Variants in BCL11B observed in about 807,000 individuals in gnomAD.
BCL11B encodes the protein B-cell lymphoma/leukemia 11B.
In BCL11B, 8 loss-of-function variants were observed where a neutral mutation model predicts 49.9. The observed-to-expected ratio is 0.16, with a 90% CI of 0.09 to 0.29. The LOEUF (loss-of-function observed/expected upper bound fraction) is 0.29. Among genes scored for constraint, BCL11B ranks in the 10% least tolerant of loss-of-function variants. The pLI, the probability that BCL11B is intolerant of heterozygous loss-of-function variation, is 1.00. For synonymous variants in BCL11B, 739 were observed against 637.4 expected (o/e 1.16, Z -2.40); for missense variants, 1,006 against 1,351.0 (o/e 0.74, Z 4.00).
intron 3 of BCL11B, among the ~76,000 whole-genome samples, chr14:99,179,651 G>A (rs1034082400): frequency 5.9e-5 from 9 of 152,004 alleles, no homozygotes; most frequent in South Asian, 2.1e-4. Flanking sequence ...TCCGGGAACC[G>A]CTTTGGTTCC....
chr14:99,236,475 A>C (rs904347378), intron 2 of BCL11B, among the ~76,000 whole-genome samples: 2 of 152,076 alleles, frequency 1.3e-5, no homozygotes, highest in Non-Finnish European at 2.9e-5. Context: ...AAGATGGAGG[A>C]GAAGCCAGCA....
At chr14:99,188,304 G>T (rs184242119) in intron 3 of BCL11B, among the ~76,000 whole-genome samples, 2 of 152,108 alleles carry the variant, frequency 1.3e-5, no homozygotes, top group Non-Finnish European at 2.9e-5. Context: ...TGAATGGGGG[G>T]AACACTGTTT....
intron 2 of BCL11B, among the ~76,000 whole-genome samples, chr14:99,236,763 C>T (rs991087252): frequency 2.0e-5 from 3 of 152,132 alleles, no homozygotes; most frequent in African/African-American, 4.8e-5. Flanking sequence ...TCTTCAGGGC[C>T]GTGAGGAAAA....
In BCL11B at chr14:99,271,665, G is replaced by T; in HGVS notation, c.-447C>A. The T allele has an allele frequency of 5.1e-6, 1 of 197,984 alleles. No individual in the cohort carries two copies. The highest frequency in any genetic ancestry group is 6.0e-5 in the Admixed American group (1 of 16,534). 12.3% of individuals were successfully genotyped at this position (197,984 alleles called of 1,614,324 possible). A position where few individuals can be genotyped will look rare whatever the true frequency, so the allele number is the denominator to read the frequency against. On this transcript the variant is annotated 5_prime_UTR_variant, in exon 1 of 4. Transcript: ENST00000357195. ...TCTTCTTGAACTTAAACTGGGTTTT[G>T]CACCGGCTCCTGACACTTTCTTTCA...
chr14:99,212,079 T>A (rs1346151269), intron 3 of BCL11B, among the ~76,000 whole-genome samples: 5 of 152,056 alleles, frequency 3.3e-5, no homozygotes, highest in Non-Finnish European at 1.5e-5. Flanking sequence ...CCACTCATTC[T>A]CATCATCCCT....
intron 3 of BCL11B, among the ~76,000 whole-genome samples, chr14:99,201,839 T>C (rs1887393165): frequency 6.6e-6 from 1 of 152,192 alleles, no homozygotes; most frequent in South Asian, 2.1e-4. Context: ...TGCCTCACAC[T>C]GCTCCCGGGC....
chr14:99,193,901 A>G (rs1424910111), intron 3 of BCL11B, among the ~76,000 whole-genome samples: 1 of 152,208 alleles, frequency 6.6e-6, no homozygotes, highest in Non-Finnish European at 1.5e-5. Flanking sequence ...AGGCTGACCA[A>G]TCTGAAGGAT....
At chr14:99,261,012 G>A (rs1462162172) in intron 1 of BCL11B, among the ~76,000 whole-genome samples, 2 of 152,336 alleles carry the variant, frequency 1.3e-5, no homozygotes, top group Non-Finnish European at 2.9e-5. Flanking sequence ...TTTCAGCGTT[G>A]AAAGTTAAAC....
chr14:99,222,164 C>G (rs564058513), intron 3 of BCL11B, among the ~76,000 whole-genome samples: 1 of 152,288 alleles, frequency 6.6e-6, no homozygotes, highest in East Asian at 1.9e-4. Flanking sequence ...TTCGAAAAGT[C>G]AAGTACATTT....
intron 3 of BCL11B, among the ~76,000 whole-genome samples, chr14:99,180,438 A>G (rs1331796495): frequency 6.6e-6 from 1 of 152,144 alleles, no homozygotes; most frequent in Non-Finnish European, 1.5e-5. Flanking sequence ...CTGGCTCTAG[A>G]CAGAGCCCCA....
At chr14:99,229,125 T>C (rs1012026148) in intron 3 of BCL11B, among the ~76,000 whole-genome samples, 8 of 112,248 alleles carry the variant, frequency 7.1e-5, no homozygotes, top group Non-Finnish European at 1.3e-4. Flanking sequence ...GATGAATGGA[T>C]GGATGGATGG....
At position 99,257,153 on chromosome 14, in the gene BCL11B, C is replaced by G. The variant is rs1825995970; in HGVS notation, c.427+318G>C. Reference sequence around the variant, plus strand: ...TCAAAATCAGGGACTAAGCCAAGATCAGTAGCAAAGAGAGGGCCAACCAGA... The same window carrying G: ...TCAAAATCAGGGACTAAGCCAAGATGAGTAGCAAAGAGAGGGCCAACCAGA... On this transcript the variant is annotated intron_variant, in intron 2 of 3. Transcript: ENST00000357195. This position sits in a 1 kb window ranked among gnomAD's most constrained non-coding sequence, Gnocchi z 6.2. Among the ~76,000 whole-genome samples the G allele has an allele frequency of 6.6e-6, 1 of 152,208 alleles. No homozygotes were observed.
At chr14:99,226,849 TG>T (rs1473747104) in intron 3 of BCL11B, among the ~76,000 whole-genome samples, 3 of 152,226 alleles carry the variant, frequency 2.0e-5, no homozygotes, top group Admixed American at 1.3e-4. Context: ...CTTTAACCCA[TG>T]CCAAGAAACC....
chr14:99,229,753 C>G (rs1003062524), intron 3 of BCL11B, among the ~76,000 whole-genome samples: 1 of 152,256 alleles, frequency 6.6e-6, no homozygotes, highest in Non-Finnish European at 1.5e-5. Flanking sequence ...GTAATAAACA[C>G]TCAGGCTGAT....
chr14:99,240,740 G>A (rs375690499), intron 2 of BCL11B, among the ~76,000 whole-genome samples: 2 of 152,260 alleles, frequency 1.3e-5, no homozygotes, highest in Non-Finnish European at 1.5e-5. Flanking sequence ...CGTGCAGTGC[G>A]TGCACAACAA....
intron 3 of BCL11B, among the ~76,000 whole-genome samples, chr14:99,191,947 C>A (rs1259643263): frequency 1.3e-5 from 2 of 151,986 alleles, no homozygotes; most frequent in African/African-American, 4.8e-5. Flanking sequence ...TGTGGGGTGA[C>A]GGGGGGAGGA....
chr14:99,249,315 G>A (rs1888933533), intron 2 of BCL11B, among the ~76,000 whole-genome samples: 1 of 152,114 alleles, frequency 6.6e-6, no homozygotes. Flanking sequence ...TTAAGTTCTG[G>A]GGTACATGTG....
At chr14:99,188,453 C>G (rs1886921945) in intron 3 of BCL11B, among the ~76,000 whole-genome samples, 1 of 151,390 alleles carries the variant, frequency 6.6e-6, no homozygotes. Context: ...TGGATAGGCT[C>G]TTTTCCTTCT....
rs1396414116 is a variant in BCL11B at position 99,205,008 on chromosome 14, T to C, written c.640+26337A>G. 1.3e-5 allele frequency among the ~76,000 whole-genome samples: 2 copies of C among 152,078 alleles called. No homozygotes were observed. The highest frequency in any genetic ancestry group is 6.5e-5 in the Admixed American group (1 of 15,268). On this transcript the variant is annotated intron_variant, in intron 3 of 3. Transcript: ENST00000357195. This position sits in a 1 kb window ranked among gnomAD's most constrained non-coding sequence, Gnocchi z 5.0. ...TGCCCCCTGTCCTTGGATGGAGGGGTACCTGGGACAGGACAGGCGGACCAG... is the reference window on the plus strand; with the variant it reads ...TGCCCCCTGTCCTTGGATGGAGGGGCACCTGGGACAGGACAGGCGGACCAG...
Sources: gnomAD v4.1 joint callset for allele counts (sites outside exome capture counted in the v4.1 genomes callset) on GRCh38, gnomAD v4.1.1 for gene constraint, Gnocchi (gnomAD v3.1) non-coding constraint, MANE v1.5 for transcripts, NCBI Gene and HGNC (gene_info 2026-07-23, HGNC 2026-07-21) for gene names.